The following CLSTN2 variants were observed in gnomAD, a reference collection of about 807,000 sequenced individuals.
CLSTN2 encodes the protein calsyntenin-2.
Under a neutral mutation model 101.2 loss-of-function variants are expected in CLSTN2, and 48 were observed. The observed-to-expected ratio is 0.47, with a 90% confidence interval of 0.38 to 0.60. The LOEUF is 0.60. Ranked by LOEUF, CLSTN2 falls within the 20% of genes least tolerant of loss-of-function variation. CLSTN2 has a pLI of 0.00. For missense variants in CLSTN2, 1,160 were observed against 1,238.2 expected (o/e 0.94, Z 0.95); for synonymous variants, 481 against 463.6 (o/e 1.04, Z -0.48).
chr3:140,041,111 C>T (rs1407290904), intron 1 of CLSTN2, among the ~76,000 whole-genome samples: 4 of 152,182 alleles, frequency 2.6e-5, no homozygotes, highest in Non-Finnish European at 5.9e-5. Context: ...CCATTCATCA[C>T]GTTAAATCCG....
rs144963277 is a variant in CLSTN2 at position 140,426,282 on chromosome 3, C to T, written c.787+5008C>T. On this transcript the variant is annotated intron_variant, in intron 5 of 16. Transcript: ENST00000458420. ...ATTTATACTAATGCTCTCCCTCCTC[C>T]CTGCCACCTGACAGGCCCCAGTGTG... Among the ~76,000 whole-genome samples the T allele has an allele frequency of 6.4e-3, 969 of 152,308 alleles. 4 individuals carry two copies. Among genetic ancestry groups the T allele is most frequent in the Non-Finnish European group, 0.012 (797 of 68,036 alleles).
At chr3:140,267,450 A>G (rs1040855333) in intron 2 of CLSTN2, among the ~76,000 whole-genome samples, 3 of 152,166 alleles carry the variant, frequency 2.0e-5, no homozygotes, top group African/African-American at 7.2e-5. Flanking sequence ...TCAGGGCAAG[A>G]TGAAAGTCTA....
At chr3:140,126,049 G>T (rs1209191234) in intron 1 of CLSTN2, among the ~76,000 whole-genome samples, 2 of 152,130 alleles carry the variant, frequency 1.3e-5, no homozygotes, top group Non-Finnish European at 2.9e-5. Context: ...AGGAATGGAT[G>T]ATTGCAAGAG....
intron 8 of CLSTN2, among the ~76,000 whole-genome samples, chr3:140,514,378 T>C (rs1469046593): frequency 6.6e-6 from 1 of 152,182 alleles, no homozygotes; most frequent in Admixed American, 6.5e-5. Flanking sequence ...TGATTTTCCA[T>C]TCCTGAGTTA....
intron 2 of CLSTN2, among the ~76,000 whole-genome samples, chr3:140,369,847 G>T (rs1176378334): frequency 2.0e-5 from 3 of 152,218 alleles, no homozygotes; most frequent in African/African-American, 7.2e-5. Flanking sequence ...GCCCCACTAT[G>T]GGTAGCACCA....
chr3:140,062,586 A>C (rs1180426521), intron 1 of CLSTN2, among the ~76,000 whole-genome samples: 2 of 152,202 alleles, frequency 1.3e-5, no homozygotes, highest in East Asian at 3.9e-4. Flanking sequence ...AGAGCTGCAG[A>C]CTGCATAGAT....
intron 8 of CLSTN2, among the ~76,000 whole-genome samples, chr3:140,504,778 C>T (rs1934651095): frequency 6.6e-6 from 1 of 152,144 alleles, no homozygotes. Flanking sequence ...AAGGACTATT[C>T]CACCTTCTCT....
At chr3:140,145,157 C>T (rs887197287) in intron 1 of CLSTN2, among the ~76,000 whole-genome samples, 1 of 152,202 alleles carries the variant, frequency 6.6e-6, no homozygotes, top group Non-Finnish European at 1.5e-5. Flanking sequence ...TATGGTGTCA[C>T]TGTGGTAAAT....
At chr3:140,552,220 C>A (rs1935716255) in intron 10 of CLSTN2, among the ~76,000 whole-genome samples, 2 of 152,106 alleles carry the variant, frequency 1.3e-5, no homozygotes, top group African/African-American at 2.4e-5. Context: ...ATCTGTCTAG[C>A]ACCTTCTTGG....
chr3:139,956,878 C>T (rs1338661548), intron 1 of CLSTN2, among the ~76,000 whole-genome samples: 2 of 152,152 alleles, frequency 1.3e-5, no homozygotes, highest in African/African-American at 4.8e-5. Flanking sequence ...ATATCACTTT[C>T]CCCAAACTTA....
chr3:139,992,245 A>G (rs1331874543), intron 1 of CLSTN2, among the ~76,000 whole-genome samples: 3 of 152,210 alleles, frequency 2.0e-5, no homozygotes, highest in African/African-American at 7.2e-5. Flanking sequence ...AGGATGGGGC[A>G]TTTGGTAAAT....
intron 1 of CLSTN2, among the ~76,000 whole-genome samples, chr3:140,146,380 A>G (rs1015791726): frequency 2.6e-5 from 4 of 152,356 alleles, no homozygotes; most frequent in African/African-American, 9.6e-5. Context: ...TCAGCAAAGC[A>G]TTGTTGGTTG....
At chr3:139,992,998 T>A (rs746366533) in intron 1 of CLSTN2, among the ~76,000 whole-genome samples, 5 of 152,204 alleles carry the variant, frequency 3.3e-5, no homozygotes, top group Non-Finnish European at 7.3e-5. Context: ...TTTGCAGTTC[T>A]CTCTTTCTTC....
At chr3:140,488,070 C>T (rs1262365464) in intron 8 of CLSTN2, among the ~76,000 whole-genome samples, 2 of 151,980 alleles carry the variant, frequency 1.3e-5, no homozygotes, top group Non-Finnish European at 2.9e-5. Context: ...TAAAAATATC[C>T]CTCTGCCACA....
chr3:140,500,885 A>C (rs1934562262), intron 8 of CLSTN2, among the ~76,000 whole-genome samples: 2 of 152,238 alleles, frequency 1.3e-5, no homozygotes, highest in African/African-American at 4.8e-5. Flanking sequence ...TTAAGAATCT[A>C]TTAATACAAA....
chr3:140,081,814 T>A (rs1433738193), intron 1 of CLSTN2, among the ~76,000 whole-genome samples: 1 of 152,176 alleles, frequency 6.6e-6, no homozygotes, highest in African/African-American at 2.4e-5. Flanking sequence ...GAGGTTGGGG[T>A]TCAGCTATCC....
chr3:139,969,053 G>A (rs191815900), intron 1 of CLSTN2, among the ~76,000 whole-genome samples: 120 of 150,632 alleles, frequency 8.0e-4, no homozygotes, highest in African/African-American at 2.6e-3. Context: ...GTATGTATAT[G>A]CTTTTTTATT....
intron 1 of CLSTN2, among the ~76,000 whole-genome samples, chr3:140,105,872 T>C (rs1560096291): frequency 1.3e-5 from 2 of 152,170 alleles, no homozygotes; most frequent in Non-Finnish European, 1.5e-5. Context: ...TGGGACCCTC[T>C]CTGAGCAGAA....
rs149752767 is a variant in CLSTN2, at chr3:140,383,933, C to T, written c.233-19696C>T. On this transcript the variant is annotated intron_variant, in intron 2 of 16. Transcript: ENST00000458420. Reference sequence around the variant, plus strand: ...AAAGCACCTGTAATACCAATATCCACGTACTGTGAAGGAAAATGTCAAAGC... The same window carrying T: ...AAAGCACCTGTAATACCAATATCCATGTACTGTGAAGGAAAATGTCAAAGC... Among the ~76,000 whole-genome samples the T allele has an allele frequency of 2.6e-3, 395 of 152,278 alleles. 2 individuals carry two copies. Among genetic ancestry groups the T allele is most frequent in the Non-Finnish European group, 4.4e-3 (301 of 68,028 alleles).
Sources: gnomAD v4.1 joint callset for allele counts (sites outside exome capture counted in the v4.1 genomes callset) on GRCh38, gnomAD v4.1.1 for gene constraint, MANE v1.5 for transcripts, NCBI Gene and HGNC (gene_info 2026-07-23, HGNC 2026-07-21) for gene names.